Variants in RCL1 observed in about 807,000 individuals in gnomAD.
RCL1 encodes the protein RNA 3'-terminal phosphate cyclase-like protein.
In RCL1, 24 loss-of-function variants were observed where a neutral mutation model predicts 42.4. That is an observed-to-expected ratio of 0.57 (90% CI 0.41 to 0.80). The LOEUF (loss-of-function observed/expected upper bound fraction) is 0.80, where lower values mean the gene tolerates loss of function less well. RCL1 is among the 30% of genes least tolerant of loss of function. RCL1 has a pLI of 0.00. For missense variants in RCL1, 578 were observed against 467.9 expected (o/e 1.24, Z -2.17); for synonymous variants, 228 against 177.3 (o/e 1.29, Z -2.27).
chr9:4,807,214 C>T (rs1050830152), intron 1 of RCL1, among the ~76,000 whole-genome samples: 1 of 152,044 alleles, frequency 6.6e-6, no homozygotes, highest in African/African-American at 2.4e-5. Context: ...TTTAAAGACC[C>T]GGTTCTGTGT....
intron 8 of RCL1, among the ~76,000 whole-genome samples, chr9:4,852,161 C>T (rs184420841): frequency 6.6e-6 from 1 of 152,270 alleles, no homozygotes; most frequent in East Asian, 1.9e-4. Flanking sequence ...GATTGCAGGC[C>T]TGAGCCACCA....
At chr9:4,795,146 C>T (rs1012249977) in intron 1 of RCL1, among the ~76,000 whole-genome samples, 1 of 151,950 alleles carries the variant, frequency 6.6e-6, no homozygotes, top group African/African-American at 2.4e-5. Context: ...GGTGCGATCT[C>T]GGCTCACTGC....
At chr9:4,830,017 G>A (rs1816897233) in intron 3 of RCL1, among the ~76,000 whole-genome samples, 1 of 152,214 alleles carries the variant, frequency 6.6e-6, no homozygotes, top group Non-Finnish European at 1.5e-5. Flanking sequence ...AGTGTTTAAG[G>A]TGTGAGTGGG....
intron 1 of RCL1, among the ~76,000 whole-genome samples, chr9:4,821,335 A>G (rs979017800): frequency 6.6e-6 from 1 of 152,198 alleles, no homozygotes; most frequent in African/African-American, 2.4e-5. Context: ...CTTTCTGGTC[A>G]TATGATCAGG....
intron 1 of RCL1, among the ~76,000 whole-genome samples, chr9:4,800,111 TC>T (rs1468126929): frequency 1.3e-4 from 20 of 152,344 alleles, no homozygotes; most frequent in Non-Finnish European, 2.4e-4. Context: ...TATGAAAAGA[TC>T]ACAAGTCTTT....
chr9:4,837,437 T>TG (rs778108312), intron 5 of RCL1, among the ~76,000 whole-genome samples: 6 of 152,190 alleles, frequency 3.9e-5, no homozygotes, highest in Non-Finnish European at 7.4e-5. Flanking sequence ...TGGGTTTGTC[T>TG]GGGGGGTAGT....
intron 5 of RCL1, among the ~76,000 whole-genome samples, chr9:4,838,114 T>G (rs1011192920): frequency 1.3e-5 from 2 of 152,234 alleles, no homozygotes; most frequent in Admixed American, 1.3e-4. Flanking sequence ...TGTGGTTTTT[T>G]TCCTTGCAAG....
rs1047330469 is a variant in RCL1 at position 4,849,447 on chromosome 9, G to C, written c.868G>C (p.Gly290Arg). 6.2e-7 allele frequency: 1 copy of C among 1,611,324 alleles called. No individual in the cohort carries two copies. Among genetic ancestry groups the C allele is most frequent in the Non-Finnish European group, 8.5e-7 (1 of 1,177,798 alleles). ...ARLLLEEIYR[G>R]GCVDSTNQSL... ...TACAATTATTAATTTGTGTTTACAG[G>C]GTGGATGCGTAGACTCGACCAACCA... The change falls in exon 8 of 9, where the codon GGT (glycine) becomes CGT (arginine). Residue 290 changes from glycine to arginine, a missense_variant and splice_region_variant. By Grantham distance (125) the Gly-to-Arg change is moderately radical. Coordinates refer to ENST00000381750, the MANE Select transcript of RCL1 (RefSeq NM_005772.5).
In RCL1 at chr9:4,855,344, G is replaced by A. The variant is rs1563861676; in HGVS notation, c.972-4781G>A. 3.9e-5 allele frequency among the ~76,000 whole-genome samples: 4 copies of A among 101,390 alleles called. No homozygotes were observed. The South Asian group carries it at 1.5e-3, about 39-fold the overall frequency. The allele number at this position is 101,390 out of a possible 152,430, so 66.5% of individuals were successfully genotyped here. ...TGGTTACTCATTGAGGGGCAGAGCTGCTCTCGGTGAGCGGTGGGTCTCTTT... is the reference window on the plus strand; with the variant it reads ...TGGTTACTCATTGAGGGGCAGAGCTACTCTCGGTGAGCGGTGGGTCTCTTT... On this transcript the variant is annotated intron_variant, in intron 8 of 8. Coordinates refer to ENST00000381750, the MANE Select transcript of RCL1 (RefSeq NM_005772.5).
chr9:4,797,383 G>C (rs1053404887), intron 1 of RCL1, among the ~76,000 whole-genome samples: 30 of 152,320 alleles, frequency 2.0e-4, no homozygotes, highest in African/African-American at 7.0e-4. Flanking sequence ...TATTTGAAGA[G>C]AATTATGCCT....
At chr9:4,797,068 G>A (rs758954561) in intron 1 of RCL1, among the ~76,000 whole-genome samples, 5 of 152,100 alleles carry the variant, frequency 3.3e-5, no homozygotes, top group Non-Finnish European at 5.9e-5. Flanking sequence ...GTCAGTATTG[G>A]ACCTTGGTTT....
At chr9:4,829,522 G>A (rs1037090937) in intron 3 of RCL1, among the ~76,000 whole-genome samples, 4 of 152,152 alleles carry the variant, frequency 2.6e-5, no homozygotes, top group African/African-American at 9.7e-5. Context: ...AACCATATAA[G>A]GATTTCCAGT....
At chr9:4,856,390 A>T (rs1817963683) in intron 8 of RCL1, among the ~76,000 whole-genome samples, 1 of 152,174 alleles carries the variant, frequency 6.6e-6, no homozygotes, top group Admixed American at 6.5e-5. Flanking sequence ...CTCTTTACTG[A>T]GAACCTTTAC....
chr9:4,843,445 A>AG (rs1452132513), intron 6 of RCL1, among the ~76,000 whole-genome samples: 4 of 152,010 alleles, frequency 2.6e-5, no homozygotes, highest in African/African-American at 9.7e-5. Flanking sequence ...AAACTATACC[A>AG]GTGCATATCT....
intron 1 of RCL1, among the ~76,000 whole-genome samples, chr9:4,821,644 A>T (rs55708787): frequency 1.3e-5 from 2 of 148,322 alleles, no homozygotes; most frequent in Non-Finnish European, 3.0e-5. Flanking sequence ...AGCTGGACTC[A>T]TTTTTTTTTT....
chr9:4,816,133 G>A (rs1816367656), intron 1 of RCL1, among the ~76,000 whole-genome samples: 1 of 152,142 alleles, frequency 6.6e-6, no homozygotes, highest in Non-Finnish European at 1.5e-5. Flanking sequence ...TTTCTTTGAT[G>A]TATTGGTCAG....
At chr9:4,804,956 G>A (rs1464237050) in intron 1 of RCL1, 1 of 152,446 alleles carries the variant, frequency 6.6e-6, no homozygotes, top group Non-Finnish European at 1.5e-5. Flanking sequence ...ACCTTCAACT[G>A]CCGGACGGTG....
chr9:4,850,238 G>T (rs1388991556), intron 8 of RCL1: 1 of 510,236 alleles, frequency 2.0e-6, no homozygotes, highest in Non-Finnish European at 4.2e-6. Context: ...ATCATCATAT[G>T]GCCCATCTGA....
chr9:4,834,291 C>T, intron 5 of RCL1, 26 bp downstream of exon 5: 1 of 1,435,386 alleles, frequency 7.0e-7, no homozygotes, highest in Non-Finnish European at 9.5e-7. Context: ...ATTTGGATTT[C>T]TTTTTTTTTT....
Sources: gnomAD v4.1 joint callset for allele counts (sites outside exome capture counted in the v4.1 genomes callset) on GRCh38, gnomAD v4.1.1 for gene constraint, MANE v1.5 for transcripts, NCBI Gene and HGNC (gene_info 2026-07-23, HGNC 2026-07-21) for gene names.